The following DYNC1LI1 variants were observed in gnomAD, a reference collection of about 807,000 sequenced individuals.
DYNC1LI1 encodes dynein cytoplasmic 1 light intermediate chain 1.
DYNC1LI1 carries 19 observed loss-of-function variants against 63.8 expected under a neutral mutation model. That is an observed-to-expected ratio of 0.30 (90% CI 0.21 to 0.44). DYNC1LI1 has a LOEUF of 0.44. Among genes scored for constraint, DYNC1LI1 ranks in the 20% least tolerant of loss-of-function variants. DYNC1LI1 has a pLI of 1.00. For missense variants in DYNC1LI1, 565 were observed against 630.2 expected (o/e 0.90, Z 1.11); for synonymous variants, 225 against 232.3 (o/e 0.97, Z 0.28).
Position 32,526,761 on chromosome 3 carries a change from A to G in DYNC1LI1, c.*38T>C, listed in dbSNP as rs1252063163. The G allele has an allele frequency of 1.4e-6, 2 of 1,468,116 alleles. No individual in the cohort carries two copies. Among genetic ancestry groups the G allele is most frequent in the Non-Finnish European group, 1.9e-6 (2 of 1,051,006 alleles). The allele number at this position is 1,468,116 out of a possible 1,614,324, so 90.9% of individuals were successfully genotyped here. A position where few individuals can be genotyped will look rare whatever the true frequency, so the allele number is the denominator to read the frequency against. ...GAAAAGGCAGAGGCATGTTTACATTATCCCAGAAAACAGAATAAATGGCTT... is the reference window on the plus strand; with the variant it reads ...GAAAAGGCAGAGGCATGTTTACATTGTCCCAGAAAACAGAATAAATGGCTT... On this transcript the variant is annotated 3_prime_UTR_variant, in exon 13 of 13. Coordinates refer to ENST00000273130, the MANE Select transcript of DYNC1LI1 (RefSeq NM_016141.4).
chr3:32,568,001 C>T (rs11916068), intron 2 of DYNC1LI1, among the ~76,000 whole-genome samples: 7,745 of 152,156 alleles, frequency 0.051, 229 homozygotes, highest in Middle Eastern at 0.068. Context: ...CCGTGCCAGG[C>T]CAATTTTTTT....
chr3:32,565,049 A>G (rs1481794637), intron 2 of DYNC1LI1, among the ~76,000 whole-genome samples: 1 of 152,328 alleles, frequency 6.6e-6, no homozygotes, highest in East Asian at 1.9e-4. Flanking sequence ...TTTTGGCTGC[A>G]TATTACCGTG....
At chr3:32,556,805 G>GT (rs1698120700) in intron 2 of DYNC1LI1, among the ~76,000 whole-genome samples, 1 of 152,084 alleles carries the variant, frequency 6.6e-6, no homozygotes, top group Non-Finnish European at 1.5e-5. Context: ...AAATGTTATG[G>GT]TAACAGTCAT....
At chr3:32,549,493 A>G (rs561062706) in intron 2 of DYNC1LI1, among the ~76,000 whole-genome samples, 1 of 152,076 alleles carries the variant, frequency 6.6e-6, no homozygotes, top group African/African-American at 2.4e-5. Context: ...AGTTAAAATG[A>G]TATCAACTTG....
chr3:32,529,859 T>A (rs1402709498), intron 10 of DYNC1LI1, among the ~76,000 whole-genome samples, 199 bp from the exon 11 acceptor site: 1 of 152,200 alleles, frequency 6.6e-6, no homozygotes, highest in Non-Finnish European at 1.5e-5. Context: ...CATTTTAACA[T>A]ACAAATTTTT....
intron 4 of DYNC1LI1, among the ~76,000 whole-genome samples, chr3:32,544,387 A>G (rs1697924129): frequency 6.6e-6 from 1 of 152,188 alleles, no homozygotes; most frequent in Non-Finnish European, 1.5e-5. Context: ...GAGAAAAGGC[A>G]TCTCTACTAA....
At chr3:32,559,844 C>A (rs1698166260) in intron 2 of DYNC1LI1, among the ~76,000 whole-genome samples, 1 of 152,126 alleles carries the variant, frequency 6.6e-6, no homozygotes, top group Non-Finnish European at 1.5e-5. Context: ...TCTGAAAGCT[C>A]TGGTGACAAG....
At chr3:32,563,929 G>A (rs939709547) in intron 2 of DYNC1LI1, among the ~76,000 whole-genome samples, 15 of 152,226 alleles carry the variant, frequency 9.9e-5, no homozygotes, top group African/African-American at 3.6e-4. Flanking sequence ...CACCTATTAT[G>A]TGCCACACAC....
chr3:32,548,213 C>T (rs1697984537), intron 2 of DYNC1LI1, among the ~76,000 whole-genome samples: 1 of 152,016 alleles, frequency 6.6e-6, no homozygotes, highest in Admixed American at 6.6e-5. Flanking sequence ...GGAGGTGAGC[C>T]GACAGCATTA....
At chr3:32,551,133 G>A (rs974572894) in intron 2 of DYNC1LI1, among the ~76,000 whole-genome samples, 7 of 152,032 alleles carry the variant, frequency 4.6e-5, no homozygotes, top group East Asian at 1.9e-4. Context: ...TAACAAATAC[G>A]AAACAGTTTC....
chr3:32,561,028 A>ACC (rs1559444460), intron 2 of DYNC1LI1, among the ~76,000 whole-genome samples: 1 of 138,178 alleles, frequency 7.2e-6, no homozygotes, highest in African/African-American at 3.2e-5. Flanking sequence ...AAAAAAAAAA[A>ACC]AAAAACAAAC....
chr3:32,550,591 G>C (rs909986846), intron 2 of DYNC1LI1, among the ~76,000 whole-genome samples: 6 of 152,132 alleles, frequency 3.9e-5, no homozygotes, highest in African/African-American at 1.4e-4. Flanking sequence ...TCCTCTCTGT[G>C]AATGTTGTCA....
chr3:32,567,789 C>T (rs972851612), intron 2 of DYNC1LI1, among the ~76,000 whole-genome samples: 4 of 151,478 alleles, frequency 2.6e-5, no homozygotes, highest in African/African-American at 4.9e-5. Flanking sequence ...CTGCAACCTC[C>T]GCCTCCCGGG....
chr3:32,570,479 G>A, intron 1 of DYNC1LI1, 60 bp from the exon 2 acceptor site: 1 of 1,502,132 alleles, frequency 6.7e-7, no homozygotes, highest in Non-Finnish European at 8.9e-7. Flanking sequence ...CGGGAGGGAC[G>A]GACCCGGCCT....
chr3:32,548,443 C>T (rs922738322), intron 2 of DYNC1LI1, among the ~76,000 whole-genome samples: 3 of 152,102 alleles, frequency 2.0e-5, no homozygotes, highest in Admixed American at 2.0e-4. Context: ...TTTCTGGTGC[C>T]CAAAAAGACT....
In DYNC1LI1 at chr3:32,526,077, A is replaced by ATATATG. The variant is rs1553616885; in HGVS notation, c.*721_*722insCATATA. On this transcript the variant is annotated 3_prime_UTR_variant, in exon 13 of 13. Coordinates refer to ENST00000273130, the MANE Select transcript of DYNC1LI1 (RefSeq NM_016141.4). ...AAGGCAAAGCCATATATATATATAT[A>ATATATG]TATGTATAGACAAATCCAAAGATTG... 4 of 152,522 alleles carry ATATATG rather than the reference A, an allele frequency of 2.6e-5. No individual in the cohort carries two copies. The highest frequency in any genetic ancestry group is 9.7e-5 in the African/African-American group (4 of 41,404). The allele number at this position is 152,522 out of a possible 1,614,324, so 9.4% of individuals were successfully genotyped here.
At chr3:32,565,084 T>A (rs1168895535) in intron 2 of DYNC1LI1, among the ~76,000 whole-genome samples, 1 of 152,218 alleles carries the variant, frequency 6.6e-6, no homozygotes, top group Non-Finnish European at 1.5e-5. Flanking sequence ...GAGAACAATA[T>A]AGCAACTTTA....
intron 12 of DYNC1LI1, among the ~76,000 whole-genome samples, chr3:32,527,986 T>A (rs1389685378): frequency 6.6e-6 from 1 of 151,356 alleles, no homozygotes; most frequent in East Asian, 1.9e-4. Flanking sequence ...CCAGGCATGG[T>A]GGCAGGTGCC....
At chr3:32,528,339 A>G (rs1318075195) in intron 12 of DYNC1LI1, 107 bp downstream of exon 12, 2 of 1,291,412 alleles carry the variant, frequency 1.5e-6, no homozygotes, top group Non-Finnish European at 2.2e-6. Context: ...TGCCCAACTT[A>G]GCAAAGATAC....
Sources: gnomAD v4.1 joint callset for allele counts (sites outside exome capture counted in the v4.1 genomes callset) on GRCh38, gnomAD v4.1.1 for gene constraint, MANE v1.5 for transcripts, NCBI Gene and HGNC (gene_info 2026-07-23, HGNC 2026-07-21) for gene names.